SGK1: variants seen among roughly 807,000 people sequenced by gnomAD.
SGK1 encodes serum/glucocorticoid regulated kinase 1.
In SGK1, 26 loss-of-function variants were observed where a neutral mutation model predicts 64.2. The ratio of observed to expected loss-of-function variants is 0.40; its 90% CI spans 0.30 to 0.56. The LOEUF is 0.56. Among genes scored for constraint, SGK1 ranks in the 20% least tolerant of loss-of-function variants. SGK1 has a pLI of 0.38. For missense variants in SGK1, 519 were observed against 645.6 expected, an observed-to-expected ratio of 0.80 and a Z score of 2.12; for synonymous variants, 265 against 239.7, an observed-to-expected ratio of 1.11 and a Z score of -0.98.
At chr6:134,298,255 C>G in intron 1 of SGK1, 1 of 1,580,864 alleles carries the variant, frequency 6.3e-7, no homozygotes, top group Non-Finnish European at 8.6e-7. Context: ...CAGCTGCCGC[C>G]TAAGGTTGTT....
chr6:134,189,147 T>C (rs1438302772), intron 3 of SGK1, among the ~76,000 whole-genome samples: 1 of 151,982 alleles, frequency 6.6e-6, no homozygotes, highest in Non-Finnish European at 1.5e-5. Flanking sequence ...CAGAGGATTG[T>C]TTGATGGTTT....
chr6:134,241,048 CTTTT>C (rs10686058), intron 2 of SGK1, among the ~76,000 whole-genome samples: 1 of 74,078 alleles, frequency 1.3e-5, no homozygotes, highest in Admixed American at 1.3e-4. Flanking sequence ...TTCTTTTTTT[CTTTT>C]TTTTTTTTTT....
chr6:134,275,201 T>C (rs1777002022), intron 1 of SGK1, among the ~76,000 whole-genome samples: 1 of 152,188 alleles, frequency 6.6e-6, no homozygotes, highest in South Asian at 2.1e-4. Context: ...AAATAATTTG[T>C]TATTTAAATT....
At chr6:134,297,410 G>C (rs1024699992) in intron 1 of SGK1, 3 of 729,228 alleles carry the variant, frequency 4.1e-6, no homozygotes, top group Non-Finnish European at 7.4e-6. Flanking sequence ...CATGCTGCTC[G>C]GCATCTGCGA....
At chr6:134,206,669 C>A (rs1021383075) in intron 3 of SGK1, among the ~76,000 whole-genome samples, 29 of 150,786 alleles carry the variant, frequency 1.9e-4, no homozygotes, top group African/African-American at 6.6e-4. Context: ...GAGTTCGAGA[C>A]CAGCCTGGCT....
chr6:134,207,795 A>G (rs137931985), intron 2 of SGK1, among the ~76,000 whole-genome samples: 10 of 152,374 alleles, frequency 6.6e-5, no homozygotes, highest in African/African-American at 2.4e-4. Context: ...ATCAGTGTAG[A>G]CACTCAATAC....
chr6:134,178,120 A>C (rs1775276828), intron 3 of SGK1, among the ~76,000 whole-genome samples: 1 of 152,134 alleles, frequency 6.6e-6, no homozygotes. Context: ...TTCCGGGAGG[A>C]ACGTGGCATT....
At chr6:134,297,482 G>A (rs559791444) in intron 1 of SGK1, 2 of 616,442 alleles carry the variant, frequency 3.2e-6, no homozygotes, top group African/African-American at 1.8e-5. Context: ...GGAGCCAGCT[G>A]ATGTTCCGGT....
intron 2 of SGK1, among the ~76,000 whole-genome samples, chr6:134,219,563 C>G (rs1051452612): frequency 6.6e-6 from 1 of 150,820 alleles, no homozygotes; most frequent in Non-Finnish European, 1.5e-5. Context: ...GAGTTCGAGA[C>G]CAGCCTGACC....
rs150642168 is a variant in SGK1, at chr6:134,172,312, A to C, written c.952T>G (p.Leu318Val). Residue 318 changes from leucine to valine, a missense_variant, in exon 10 of 14, where the codon TTA becomes GTA. Leu to Val is a conservative substitution (Grantham distance 32). Transcript: ENST00000367858. ...LHSLNIVYRD[L>V]KPENILLDSQ... ...TCTAGCAAAATATTCTCTGGTTTTAAGTCTCTGTAAAAAAGTGAATAGAAA... is the reference window on the plus strand; with the variant it reads ...TCTAGCAAAATATTCTCTGGTTTTACGTCTCTGTAAAAAAGTGAATAGAAA... 1.2e-6 allele frequency: 2 copies of C among 1,610,772 alleles called. No homozygotes were observed. The highest frequency in any genetic ancestry group is 1.7e-6 in the Non-Finnish European group (2 of 1,178,944).
chr6:134,303,132 G>GC (rs894001967), intron 1 of SGK1, among the ~76,000 whole-genome samples: 1 of 151,992 alleles, frequency 6.6e-6, no homozygotes, highest in Non-Finnish European at 1.5e-5. Context: ...AGTGGCTCAC[G>GC]CCTATAATCC....
At chr6:134,189,227 T>TGCGC (rs753776503) in intron 3 of SGK1, among the ~76,000 whole-genome samples, 83 of 132,766 alleles carry the variant, frequency 6.3e-4, no homozygotes, top group African/African-American at 2.4e-3. Context: ...TGTGTGTGTG[T>TGCGC]GCGTGTGCGT....
chr6:134,275,910 T>A (rs1053224659), intron 1 of SGK1, among the ~76,000 whole-genome samples: 5 of 152,356 alleles, frequency 3.3e-5, no homozygotes, highest in African/African-American at 9.6e-5. Flanking sequence ...TTCATCCATT[T>A]GGGTATTCAT....
intron 2 of SGK1, among the ~76,000 whole-genome samples, chr6:134,223,627 A>T (rs1776125495): frequency 6.6e-6 from 1 of 152,234 alleles, no homozygotes; most frequent in African/African-American, 2.4e-5. Context: ...CCTATACAGG[A>T]ACTAAGTCAA....
intron 2 of SGK1, among the ~76,000 whole-genome samples, chr6:134,242,633 A>ATT (rs61367721): frequency 6.9e-6 from 1 of 145,800 alleles, no homozygotes. Context: ...TTTAAATTTA[A>ATT]TTTTTTTTTT....
At chr6:134,175,427 T>G in intron 3 of SGK1, 4 of 1,309,488 alleles carry the variant, frequency 3.1e-6, no homozygotes, top group Non-Finnish European at 3.9e-6. Flanking sequence ...CGCCAGGTCC[T>G]CCCGTTCCCG....
At chr6:134,299,957 A>AAG (rs928046941) in intron 1 of SGK1, among the ~76,000 whole-genome samples, 1 of 152,160 alleles carries the variant, frequency 6.6e-6, no homozygotes, top group Non-Finnish European at 1.5e-5. Context: ...GTAAGTCAAA[A>AAG]AGAGAGAGAG....
chr6:134,201,203 G>C (rs1775675538), intron 3 of SGK1, among the ~76,000 whole-genome samples: 2 of 150,164 alleles, frequency 1.3e-5, no homozygotes, highest in African/African-American at 2.5e-5. Context: ...TGGGACTACA[G>C]GTGCCCGTCA....
chr6:134,185,595 T>G (rs1775410509), intron 3 of SGK1, among the ~76,000 whole-genome samples: 1 of 151,572 alleles, frequency 6.6e-6, no homozygotes, highest in Admixed American at 6.6e-5. Flanking sequence ...TGTGTATTAG[T>G]TTTCTGGAGA....
Sources: allele counts gnomAD v4.1 joint callset (sites outside exome capture counted in the v4.1 genomes callset), GRCh38; gene constraint gnomAD v4.1.1; transcripts MANE v1.5; gene names NCBI Gene and HGNC (gene_info 2026-07-23, HGNC 2026-07-21).